The following SLC39A11 variants were observed in gnomAD, a reference collection of about 807,000 sequenced individuals.
The protein encoded by SLC39A11 is solute carrier family 39 member 11.
In SLC39A11, 33 loss-of-function variants were observed where a neutral mutation model predicts 36.1. That is an observed-to-expected ratio of 0.91 (90% CI 0.69 to 1.22). The LOEUF is 1.22. SLC39A11 is among the 50% of genes most tolerant of loss of function. The pLI is 0.00. For synonymous variants in SLC39A11, 166 were observed against 170.3 expected, an observed-to-expected ratio of 0.97 and a Z score of 0.20; for missense variants, 432 against 430.3, an observed-to-expected ratio of 1.00 and a Z score of -0.03.
intron 3 of SLC39A11, among the ~76,000 whole-genome samples, chr17:73,057,441 C>A (rs2059703829): frequency 1.3e-5 from 2 of 152,188 alleles, no homozygotes; most frequent in Non-Finnish European, 2.9e-5. Flanking sequence ...ATCTTTCTAT[C>A]CTCCTCTGCC....
chr17:72,969,374 G>C (rs1277718531), intron 4 of SLC39A11, among the ~76,000 whole-genome samples: 1 of 152,044 alleles, frequency 6.6e-6, no homozygotes, highest in Non-Finnish European at 1.5e-5. Flanking sequence ...AGGGAAAAAG[G>C]GGGTGGGACC....
At chr17:72,937,116 C>G (rs978656653) in intron 5 of SLC39A11, among the ~76,000 whole-genome samples, 10 of 152,188 alleles carry the variant, frequency 6.6e-5, no homozygotes, top group Non-Finnish European at 1.5e-4. Context: ...TTGTTATTTA[C>G]TATATTTGCT....
intron 3 of SLC39A11, among the ~76,000 whole-genome samples, chr17:73,038,959 C>T (rs1388158387): frequency 1.3e-5 from 2 of 152,106 alleles, no homozygotes; most frequent in Non-Finnish European, 2.9e-5. Context: ...ACCCATCTCC[C>T]ATGCCCCTTC....
intron 4 of SLC39A11, among the ~76,000 whole-genome samples, chr17:72,989,763 G>A (rs1318966355): frequency 2.6e-5 from 4 of 152,170 alleles, no homozygotes; most frequent in Non-Finnish European, 4.4e-5. Flanking sequence ...AAATGAAACA[G>A]ATCATTACGT....
intron 6 of SLC39A11, among the ~76,000 whole-genome samples, chr17:72,757,923 T>C (rs1245012332): frequency 6.6e-6 from 1 of 152,178 alleles, no homozygotes; most frequent in Non-Finnish European, 1.5e-5. Context: ...TCTCACTCTG[T>C]CTCCCAGGCT....
At chr17:72,757,188 T>G (rs567106769) in intron 6 of SLC39A11, among the ~76,000 whole-genome samples, 12 of 151,230 alleles carry the variant, frequency 7.9e-5, no homozygotes, top group Non-Finnish European at 1.3e-4. Flanking sequence ...ATAAATAAAA[T>G]AAAATAAAAT....
At chr17:72,789,224 G>A (rs36049322) in intron 6 of SLC39A11, among the ~76,000 whole-genome samples, 2,064 of 152,198 alleles carry the variant, frequency 0.014, 29 homozygotes, top group African/African-American at 0.031. Flanking sequence ...TAGCAGAGGC[G>A]GGGTTTCAAC....
chr17:72,946,191 C>T (rs914721023), intron 5 of SLC39A11, among the ~76,000 whole-genome samples: 1 of 152,142 alleles, frequency 6.6e-6, no homozygotes, highest in Non-Finnish European at 1.5e-5. Context: ...GAAGATGATA[C>T]CTAAAGCGTT....
At chr17:72,857,006 G>C (rs1407983527) in intron 5 of SLC39A11, among the ~76,000 whole-genome samples, 1 of 152,146 alleles carries the variant, frequency 6.6e-6, no homozygotes, top group East Asian at 1.9e-4. Context: ...TTTAGGTTCA[G>C]GGCTACATGT....
intron 4 of SLC39A11, among the ~76,000 whole-genome samples, chr17:73,026,543 G>C (rs1395842575): frequency 6.8e-6 from 1 of 146,816 alleles, no homozygotes; most frequent in Non-Finnish European, 1.5e-5. Context: ...AAGAAAGAAA[G>C]AAAGAAAAGA....
At chr17:72,720,406 G>A (rs1046712137) in intron 7 of SLC39A11, among the ~76,000 whole-genome samples, 1 of 151,988 alleles carries the variant, frequency 6.6e-6, no homozygotes, top group Admixed American at 6.6e-5. Context: ...CCTGGGCTCC[G>A]AGTAGCCAGG....
intron 3 of SLC39A11, among the ~76,000 whole-genome samples, chr17:73,057,217 T>C (rs1412155635): frequency 6.6e-6 from 1 of 152,226 alleles, no homozygotes; most frequent in Non-Finnish European, 1.5e-5. Flanking sequence ...GCACCCGCCT[T>C]GTCCTCCCAA....
At chr17:72,875,021 A>G (rs2080822223) in intron 5 of SLC39A11, among the ~76,000 whole-genome samples, 1 of 152,228 alleles carries the variant, frequency 6.6e-6, no homozygotes. Context: ...AAACACTCAG[A>G]TGGGCAAATA....
intron 6 of SLC39A11, among the ~76,000 whole-genome samples, chr17:72,755,318 A>T (rs1376934521): frequency 1.3e-5 from 2 of 152,270 alleles, no homozygotes; most frequent in African/African-American, 4.8e-5. Flanking sequence ...CAACGAAATC[A>T]GGAGGCGAAG....
intron 3 of SLC39A11, among the ~76,000 whole-genome samples, chr17:73,044,884 A>C (rs1355104624): frequency 6.9e-6 from 1 of 144,076 alleles, no homozygotes; most frequent in Non-Finnish European, 1.5e-5. Flanking sequence ...CTCAGAAAAA[A>C]AAAAAAAAAA....
At chr17:72,911,258 G>C (rs2082975614) in intron 5 of SLC39A11, among the ~76,000 whole-genome samples, 2 of 152,018 alleles carry the variant, frequency 1.3e-5, no homozygotes, top group Non-Finnish European at 2.9e-5. Context: ...ACACACCGGG[G>C]CCTGTTGTGG....
rs1010787569 is a variant in SLC39A11 at position 73,005,807 on chromosome 17, CAGGTG to C, written c.306+25744_306+25748del. On this transcript the variant is annotated intron_variant, in intron 4 of 9. Transcript: ENST00000255559. ...ACTAAAAATACCAAAAAATATTAGC[CAGGTG>C]TGGTGGCGCAGGTCTGTAGTCCCAG... is the stretch of plus-strand genomic sequence containing the variant. Among the ~76,000 whole-genome samples, 27 of 152,202 alleles carry C rather than the reference CAGGTG, an allele frequency of 1.8e-4. 1 individual carries two copies. Among genetic ancestry groups the C allele is most frequent in the African/African-American group, 5.8e-4 (24 of 41,548 alleles).
intron 7 of SLC39A11, among the ~76,000 whole-genome samples, chr17:72,733,248 G>A (rs554984977): frequency 2.1e-4 from 32 of 152,312 alleles, no homozygotes; most frequent in South Asian, 1.2e-3. Context: ...GTCCTTGGCT[G>A]TGTAGTAAAA....
At chr17:72,803,596 C>T (rs2077163792) in intron 6 of SLC39A11, among the ~76,000 whole-genome samples, 1 of 152,190 alleles carries the variant, frequency 6.6e-6, no homozygotes, top group South Asian at 2.1e-4. Context: ...TTCCAGGGTT[C>T]TCCTTTCAAG....
Sources: gnomAD v4.1 joint callset for allele counts (sites outside exome capture counted in the v4.1 genomes callset) on GRCh38, gnomAD v4.1.1 for gene constraint, MANE v1.5 for transcripts, NCBI Gene and HGNC (gene_info 2026-07-23, HGNC 2026-07-21) for gene names.